Variants in KLF8 observed in about 807,000 individuals in gnomAD.
The protein encoded by KLF8 is Krueppel-like factor 8.
KLF8 carries 10 observed loss-of-function variants against 18.2 expected under a neutral mutation model. The observed-to-expected ratio is 0.55, with a 90% CI of 0.34 to 0.93. KLF8 has a LOEUF of 0.93. Ranked by LOEUF, KLF8 falls within the 40% of genes least tolerant of loss-of-function variation. KLF8 has a pLI of 0.02. For synonymous variants in KLF8, 109 were observed against 97.3 expected (o/e 1.12, Z -0.71); for missense variants, 264 against 277.9 (o/e 0.95, Z 0.36).
At chrX:56,149,339 A>T in the KLF8 span, among the ~76,000 whole-genome samples, 1 of 111,756 alleles carries the variant, frequency 8.9e-6, no homozygotes, top group Non-Finnish European at 1.9e-5. Flanking sequence ...GGTATAAAGC[A>T]GAGGGTTGAC....
the KLF8 span, among the ~76,000 whole-genome samples, chrX:56,066,949 G>A: frequency 9.1e-6 from 1 of 110,027 alleles, no homozygotes; most frequent in Non-Finnish European, 1.9e-5. Flanking sequence ...AGATCATGCT[G>A]GGAATTTGGA....
At chrX:56,069,032 T>C in the KLF8 span, among the ~76,000 whole-genome samples, 3 of 111,628 alleles carry the variant, frequency 2.7e-5, no homozygotes, top group Admixed American at 2.8e-4. Context: ...TTAGAGTTTC[T>C]AGCCCAGCAG....
chrX:55,947,602 C>T, the KLF8 span, among the ~76,000 whole-genome samples: 1 of 107,738 alleles, frequency 9.3e-6, no homozygotes, highest in Non-Finnish European at 1.9e-5. Flanking sequence ...CTAACCTGCA[C>T]ATTGTGCACA....
intron 1 of KLF8, among the ~76,000 whole-genome samples, chrX:56,239,448 A>G (rs911486950): frequency 1.8e-5 from 2 of 112,377 alleles, no homozygotes; most frequent in East Asian, 2.8e-4. Flanking sequence ...TAACATCACT[A>G]TGAGAACCAG....
chrX:55,913,038 T>C, the KLF8 span, among the ~76,000 whole-genome samples: 30 of 111,841 alleles, frequency 2.7e-4, no homozygotes, highest in African/African-American at 9.1e-4. Context: ...TACAAGCACA[T>C]TTTTTCCCTT....
At chrX:56,047,351 G>T in the KLF8 span, among the ~76,000 whole-genome samples, 1 of 108,470 alleles carries the variant, frequency 9.2e-6, no homozygotes. Context: ...GTGCCATGTT[G>T]GTGTGCAGCA....
chrX:56,202,440 A>G, the KLF8 span, among the ~76,000 whole-genome samples: 1 of 109,925 alleles, frequency 9.1e-6, no homozygotes, highest in Non-Finnish European at 1.9e-5. Flanking sequence ...ATCCAATTAC[A>G]CTCTTTTAGT....
chrX:56,247,923 C>T (rs1370782938), intron 1 of KLF8, among the ~76,000 whole-genome samples: 2 of 111,458 alleles, frequency 1.8e-5, no homozygotes, highest in African/African-American at 3.3e-5. Context: ...CATTTGTTAT[C>T]ATTGTTAAGT....
At chrX:55,945,411 G>T in the KLF8 span, among the ~76,000 whole-genome samples, 15 of 111,127 alleles carry the variant, frequency 1.3e-4, no homozygotes, top group African/African-American at 2.9e-4. Context: ...TCATTGATCT[G>T]TCTAATGTTG....
the KLF8 span, among the ~76,000 whole-genome samples, chrX:56,180,481 T>C: frequency 9.0e-6 from 1 of 111,472 alleles, no homozygotes; most frequent in Non-Finnish European, 1.9e-5. Flanking sequence ...GCCCTGATCT[T>C]AGTTATTTCT....
chrX:56,003,143 C>A, the KLF8 span, among the ~76,000 whole-genome samples: 2 of 111,523 alleles, frequency 1.8e-5, no homozygotes, highest in African/African-American at 6.5e-5. Context: ...GTAATCCCAG[C>A]ACTTTGCGAG....
the KLF8 span, among the ~76,000 whole-genome samples, chrX:55,928,107 G>A: frequency 8.9e-6 from 1 of 111,787 alleles, no homozygotes; most frequent in Non-Finnish European, 1.9e-5. Flanking sequence ...ACAGTTTTGC[G>A]ATCTTTTATG....
At chrX:56,067,139 A>C in the KLF8 span, among the ~76,000 whole-genome samples, 5 of 106,162 alleles carry the variant, frequency 4.7e-5, no homozygotes, top group South Asian at 2.3e-3. Context: ...CTGTCTACTC[A>C]CTAATTTGGT....
chrX:56,207,491 A>G, the KLF8 span, among the ~76,000 whole-genome samples: 2 of 111,576 alleles, frequency 1.8e-5, no homozygotes, highest in African/African-American at 6.5e-5. Context: ...CAGATGCCCT[A>G]TATCATCTTT....
the KLF8 span, among the ~76,000 whole-genome samples, chrX:56,168,701 A>G: frequency 3.0e-5 from 3 of 99,005 alleles, no homozygotes; most frequent in Non-Finnish European, 6.0e-5. Flanking sequence ...CTTGTGTCCA[A>G]GTGTTCTCAT....
At chrX:55,953,369 G>A in the KLF8 span, among the ~76,000 whole-genome samples, 1 of 110,669 alleles carries the variant, frequency 9.0e-6, no homozygotes, top group Non-Finnish European at 1.9e-5. Context: ...TGTGTTCATG[G>A]ATGAGAATAC....
the KLF8 span, among the ~76,000 whole-genome samples, chrX:56,000,673 C>A: frequency 9.0e-6 from 1 of 110,524 alleles, no homozygotes; most frequent in Non-Finnish European, 1.9e-5. Context: ...TTGTATTTCC[C>A]TGGTATTAGT....
the KLF8 span, among the ~76,000 whole-genome samples, chrX:56,053,140 C>G: frequency 2.1e-3 from 233 of 112,044 alleles, 2 homozygotes; most frequent in African/African-American, 7.0e-3. Flanking sequence ...GCACGGTGCC[C>G]GCACCCACTG....
chrX:56,010,146 A>G, the KLF8 span, among the ~76,000 whole-genome samples: 3 of 111,393 alleles, frequency 2.7e-5, no homozygotes, highest in Non-Finnish European at 5.6e-5. Context: ...ATCAACCCCA[A>G]GACACATAAT....
Sources: allele counts gnomAD v4.1 joint callset (sites outside exome capture counted in the v4.1 genomes callset), GRCh38; gene constraint gnomAD v4.1.1; transcripts MANE v1.5; gene names NCBI Gene and HGNC (gene_info 2026-07-23, HGNC 2026-07-21).